Variants in KCNIP4 observed in about 807,000 individuals in gnomAD.
KCNIP4 encodes the protein Kv channel-interacting protein 4.
Under a neutral mutation model 34.0 loss-of-function variants are expected in KCNIP4, and 12 were observed. The ratio of observed to expected loss-of-function variants is 0.35; its 90% CI spans 0.23 to 0.57. The LOEUF (loss-of-function observed/expected upper bound fraction) is 0.57. Among genes scored for constraint, KCNIP4 ranks in the 20% least tolerant of loss-of-function variants. KCNIP4 has a pLI of 0.83. For missense variants in KCNIP4, 238 were observed against 311.7 expected, an observed-to-expected ratio of 0.76 and a Z score of 1.78; for synonymous variants, 124 against 102.2, an observed-to-expected ratio of 1.21 and a Z score of -1.29.
intron 3 of KCNIP4, among the ~76,000 whole-genome samples, chr4:20,792,902 C>T (rs1418900122): frequency 1.3e-5 from 2 of 152,134 alleles, no homozygotes; most frequent in East Asian, 1.9e-4. Context: ...TATCCACCAA[C>T]TTGAATGAAA....
chr4:21,320,152 C>G (rs1714216449), intron 1 of KCNIP4, among the ~76,000 whole-genome samples: 1 of 152,112 alleles, frequency 6.6e-6, no homozygotes, highest in Admixed American at 6.5e-5. Flanking sequence ...CACATTAAAC[C>G]AGTACTTCAT....
intron 1 of KCNIP4, among the ~76,000 whole-genome samples, chr4:21,354,481 A>C (rs1578119097): frequency 6.6e-6 from 1 of 152,166 alleles, no homozygotes; most frequent in Non-Finnish European, 1.5e-5. Flanking sequence ...AAAGCAAAAA[A>C]AGCATGGGTT....
chr4:20,760,479 G>A (rs891866885), intron 3 of KCNIP4, among the ~76,000 whole-genome samples: 6 of 152,088 alleles, frequency 3.9e-5, no homozygotes, highest in Non-Finnish European at 8.8e-5. Flanking sequence ...CAACTGTAAT[G>A]TGCTTCACCT....
chr4:20,896,933 T>C (rs1726601804), intron 1 of KCNIP4, among the ~76,000 whole-genome samples: 1 of 151,684 alleles, frequency 6.6e-6, no homozygotes, highest in Non-Finnish European at 1.5e-5. Flanking sequence ...TTAGTACTGG[T>C]ATTTTTTTTT....
At chr4:21,856,800 C>A (rs1040592241) in intron 1 of KCNIP4, among the ~76,000 whole-genome samples, 1 of 152,148 alleles carries the variant, frequency 6.6e-6, no homozygotes, top group African/African-American at 2.4e-5. Flanking sequence ...CCACTCCAAG[C>A]GCCCACTCCA....
intron 1 of KCNIP4, among the ~76,000 whole-genome samples, chr4:21,802,033 T>C (rs1410245852): frequency 6.6e-6 from 1 of 151,828 alleles, no homozygotes; most frequent in Non-Finnish European, 1.5e-5. Context: ...CCTGAAGTTC[T>C]TCATGGGAGA....
intron 1 of KCNIP4, among the ~76,000 whole-genome samples, chr4:21,621,219 A>G (rs950743850): frequency 6.6e-6 from 1 of 152,190 alleles, no homozygotes; most frequent in Non-Finnish European, 1.5e-5. Flanking sequence ...GTCAAATAGT[A>G]TATGTTCACA....
intron 1 of KCNIP4, among the ~76,000 whole-genome samples, chr4:21,765,476 C>T (rs1430704243): frequency 1.3e-5 from 2 of 151,984 alleles, no homozygotes; most frequent in Admixed American, 1.3e-4. Flanking sequence ...TGCAGACTTG[C>T]TCCCTGGGGG....
intron 1 of KCNIP4, among the ~76,000 whole-genome samples, chr4:21,364,754 T>C (rs1220042151): frequency 6.6e-6 from 1 of 152,010 alleles, no homozygotes; most frequent in African/African-American, 2.4e-5. Flanking sequence ...CCAAATTAAC[T>C]GTAGTGAAAG....
chr4:21,721,557 C>T (rs546225461), intron 1 of KCNIP4, among the ~76,000 whole-genome samples: 1 of 152,278 alleles, frequency 6.6e-6, no homozygotes, highest in African/African-American at 2.4e-5. Context: ...AAGCATAAAT[C>T]AGCCACTCAA....
At position 20,806,198 on chromosome 4, in the gene KCNIP4, A is replaced by G. The variant is rs184913182; in HGVS notation, c.288+44345T>C. On this transcript the variant is annotated intron_variant, in intron 3 of 8. Transcript: ENST00000382152. The stretch of plus-strand genomic sequence containing the variant: ...TGTTTTGTTGCCTTTTAAGTCCTCT[A>G]TGCACCTTGCTGTATTTTTCCTTCC... Among the ~76,000 whole-genome samples the G allele has an allele frequency of 4.4e-4, 67 of 152,068 alleles. 1 individual carries two copies. The East Asian group carries it at 0.013, about 29-fold the overall frequency.
chr4:21,703,082 A>C (rs1224783887), intron 1 of KCNIP4, among the ~76,000 whole-genome samples: 2 of 152,178 alleles, frequency 1.3e-5, no homozygotes, highest in Non-Finnish European at 2.9e-5. Flanking sequence ...AATCCAAGAA[A>C]TAGGAATAGA....
intron 1 of KCNIP4, among the ~76,000 whole-genome samples, chr4:21,870,439 A>G (rs1264748740): frequency 6.6e-6 from 1 of 152,304 alleles, no homozygotes; most frequent in South Asian, 2.1e-4. Context: ...ATGTCATAAC[A>G]GTAAAAAACA....
chr4:21,858,572 T>C (rs1189889758), intron 1 of KCNIP4, among the ~76,000 whole-genome samples: 2 of 152,208 alleles, frequency 1.3e-5, no homozygotes, highest in Non-Finnish European at 2.9e-5. Flanking sequence ...AGAATTCAAC[T>C]CAAAAGGTTC....
intron 5 of KCNIP4, among the ~76,000 whole-genome samples, chr4:20,738,366 A>G (rs1463657962): frequency 6.6e-6 from 1 of 152,192 alleles, no homozygotes; most frequent in Non-Finnish European, 1.5e-5. Flanking sequence ...TTCTCAAAAT[A>G]TAATGTGCAA....
At position 21,347,043 on chromosome 4, in the gene KCNIP4, G is replaced by T. The variant is rs931297159; in HGVS notation, c.62-464334C>A. Among the ~76,000 whole-genome samples the T allele has an allele frequency of 6.6e-5, 10 of 152,166 alleles. No individual in the cohort carries two copies. The East Asian group carries it at 1.7e-3, about 26-fold the overall frequency. The stretch of plus-strand genomic sequence containing the variant: ...ATAGGTTTGAAGTTAGAAACACATG[G>T]ATTAAATGTTTAGTTCTGCAACCTT... On this transcript the variant is annotated intron_variant, in intron 1 of 8. Transcript: ENST00000382152.
chr4:21,419,559 A>C (rs1725271365), intron 1 of KCNIP4, among the ~76,000 whole-genome samples: 1 of 152,146 alleles, frequency 6.6e-6, no homozygotes, highest in South Asian at 2.1e-4. Flanking sequence ...AAAATAACTA[A>C]ATAAAATTAT....
Position 21,718,460 on chromosome 4 carries a change from T to C in KCNIP4, c.61+230111A>G, listed in dbSNP as rs143157360. 1.2e-3 allele frequency: 190 copies of C among 152,252 alleles called. 1 individual carries two copies. Among genetic ancestry groups the C allele is most frequent in the African/African-American group, 4.3e-3 (180 of 41,546 alleles). The allele number at this position is 152,252 out of a possible 1,614,324, so 9.4% of individuals were successfully genotyped here. A position where few individuals can be genotyped will look rare whatever the true frequency, so the allele number is the denominator to read the frequency against. On this transcript the variant is annotated intron_variant, in intron 1 of 8. Coordinates refer to ENST00000382152, the MANE Select transcript of KCNIP4 (RefSeq NM_025221.6). Reference sequence around the variant, plus strand: ...TAATACTGAAAGGTTTTTTTTGTTTTTTGTTTTTTTTTCAAGTTCCAGGAT... The same window carrying C: ...TAATACTGAAAGGTTTTTTTTGTTTCTTGTTTTTTTTTCAAGTTCCAGGAT...
chr4:21,760,447 CATGT>C (rs1717973397), intron 1 of KCNIP4, among the ~76,000 whole-genome samples: 2 of 22,486 alleles, frequency 8.9e-5, no homozygotes, highest in African/African-American at 7.9e-4. Context: ...GATACATGTT[CATGT>C]TTTTATTAAA....
Sources: gnomAD v4.1 joint callset for allele counts (sites outside exome capture counted in the v4.1 genomes callset) on GRCh38, gnomAD v4.1.1 for gene constraint, MANE v1.5 for transcripts, NCBI Gene and HGNC (gene_info 2026-07-23, HGNC 2026-07-21) for gene names.